Variants in PRPSAP2 observed in about 807,000 individuals in gnomAD.
PRPSAP2 encodes the protein phosphoribosyl pyrophosphate synthase-associated protein 2.
In PRPSAP2, 24 loss-of-function variants were observed where a neutral mutation model predicts 40.6. That is an observed-to-expected ratio of 0.59 (90% CI 0.43 to 0.83). The LOEUF is 0.83. PRPSAP2 is among the 40% of genes least tolerant of loss of function. The pLI, the probability that PRPSAP2 is intolerant of heterozygous loss-of-function variation, is 0.00. For missense variants in PRPSAP2, 292 were observed against 465.6 expected, an observed-to-expected ratio of 0.63 and a Z score of 3.43; for synonymous variants, 149 against 164.7, an observed-to-expected ratio of 0.90 and a Z score of 0.73.
chr17:18,859,714 G>A (rs1359040017), intron 1 of PRPSAP2: 1 of 152,084 alleles, frequency 6.6e-6, no homozygotes, highest in African/African-American at 2.4e-5. Flanking sequence ...CTTGGAGTGA[G>A]GCACATCACT....
intron 4 of PRPSAP2, among the ~76,000 whole-genome samples, chr17:18,867,961 C>T (rs964087804): frequency 1.3e-5 from 2 of 151,652 alleles, no homozygotes; most frequent in African/African-American, 4.8e-5. Context: ...CACGGCAAAA[C>T]CCTGTCTCTA....
chr17:18,872,452 G>T, intron 4 of PRPSAP2, 131 bp from the exon 5 acceptor site: 1 of 676,782 alleles, frequency 1.5e-6, no homozygotes. Context: ...AACATCTAAA[G>T]CCTACTGAGT....
At chr17:18,886,736 C>A (rs2039177646) in intron 7 of PRPSAP2, among the ~76,000 whole-genome samples, 1 of 151,978 alleles carries the variant, frequency 6.6e-6, no homozygotes. Flanking sequence ...GTCAGGCAGT[C>A]CTTTTCACAG....
chr17:18,884,578 G>A (rs929206225), intron 7 of PRPSAP2, among the ~76,000 whole-genome samples: 11 of 152,108 alleles, frequency 7.2e-5, no homozygotes, highest in African/African-American at 2.2e-4. Context: ...GGCCTCAAGC[G>A]ATCCTCCTGC....
At chr17:18,861,097 A>G (rs2036972967) in intron 1 of PRPSAP2, among the ~76,000 whole-genome samples, 1 of 152,232 alleles carries the variant, frequency 6.6e-6, no homozygotes, top group African/African-American at 2.4e-5. Context: ...GATAGTCTTT[A>G]TAACTCTTTT....
intron 1 of PRPSAP2, among the ~76,000 whole-genome samples, chr17:18,862,130 C>T (rs567159825): frequency 8.5e-5 from 13 of 152,262 alleles, no homozygotes; most frequent in South Asian, 2.1e-4. Context: ...TCAGGTAATC[C>T]GCCTGCCTCG....
intron 1 of PRPSAP2, chr17:18,858,548 A>T (rs965423733): frequency 6.6e-6 from 1 of 152,298 alleles, no homozygotes; most frequent in Non-Finnish European, 1.5e-5. Context: ...TCGAACCCTG[A>T]TGATGGGACC....
chr17:18,901,443 G>A (rs973244994), intron 8 of PRPSAP2, among the ~76,000 whole-genome samples: 50 of 150,262 alleles, frequency 3.3e-4, no homozygotes, highest in Admixed American at 3.0e-3. Context: ...GCAGTGGCAC[G>A]ATCTTGGCTC....
At chr17:18,892,688 A>AGTGTGTGTGTGTGTGTGT (rs3043879) in intron 8 of PRPSAP2, among the ~76,000 whole-genome samples, 6 of 75,382 alleles carry the variant, frequency 8.0e-5, no homozygotes, top group Admixed American at 2.8e-4. Flanking sequence ...CAGCCTGTTG[A>AGTGTGTGTGTGTGTGTGT]GTGTGTGTGT....
intron 1 of PRPSAP2, among the ~76,000 whole-genome samples, chr17:18,861,187 G>A (rs1448230725): frequency 2.0e-5 from 3 of 152,072 alleles, no homozygotes; most frequent in Non-Finnish European, 4.4e-5. Flanking sequence ...CATTATGGCC[G>A]GGCGCAGTGG....
chr17:18,912,325 C>T (rs185995476), intron 9 of PRPSAP2, among the ~76,000 whole-genome samples: 2 of 152,098 alleles, frequency 1.3e-5, no homozygotes, highest in African/African-American at 2.4e-5. Context: ...GGGCACTGAC[C>T]CCCTTCGTAG....
chr17:18,882,543 G>T, intron 6 of PRPSAP2, 25 bp from the exon 7 acceptor site: 4 of 1,373,948 alleles, frequency 2.9e-6, no homozygotes, highest in Admixed American at 3.9e-5. Flanking sequence ...ACTATTTATT[G>T]CTTGTGTCTG....
chr17:18,892,956 G>C (rs950650978), intron 8 of PRPSAP2, among the ~76,000 whole-genome samples: 2 of 151,616 alleles, frequency 1.3e-5, no homozygotes, highest in African/African-American at 2.4e-5. Flanking sequence ...AGAAATGCCT[G>C]TTCACACCCT....
chr17:18,870,767 C>A (rs922215415), intron 4 of PRPSAP2, among the ~76,000 whole-genome samples: 4 of 150,842 alleles, frequency 2.7e-5, no homozygotes, highest in Non-Finnish European at 5.9e-5. Context: ...TGGGATCACG[C>A]CGCTGCACTC....
intron 8 of PRPSAP2, among the ~76,000 whole-genome samples, chr17:18,897,620 C>T (rs1311931360): frequency 1.3e-5 from 2 of 152,102 alleles, no homozygotes; most frequent in African/African-American, 2.4e-5. Flanking sequence ...CATCTTCACA[C>T]CCAGCTAATT....
At chr17:18,861,055 A>G (rs1394669855) in intron 1 of PRPSAP2, among the ~76,000 whole-genome samples, 1 of 152,222 alleles carries the variant, frequency 6.6e-6, no homozygotes, top group East Asian at 1.9e-4. Flanking sequence ...GCCTCCTGCC[A>G]GCCCCATCTC....
At chr17:18,903,334 C>T (rs1052186720) in intron 8 of PRPSAP2, among the ~76,000 whole-genome samples, 17 of 151,384 alleles carry the variant, frequency 1.1e-4, no homozygotes, top group Non-Finnish European at 1.8e-4. Context: ...AATGAATGAA[C>T]GTGTGTTTTA....
chr17:18,868,133 T>A (rs948079985), intron 4 of PRPSAP2, among the ~76,000 whole-genome samples: 2 of 149,376 alleles, frequency 1.3e-5, no homozygotes, highest in Admixed American at 1.3e-4. Flanking sequence ...AATAAATAAA[T>A]AAATAGAAAG....
intron 9 of PRPSAP2, among the ~76,000 whole-genome samples, chr17:18,916,723 G>T (rs944407585): frequency 2.0e-5 from 3 of 152,172 alleles, no homozygotes; most frequent in Non-Finnish European, 4.4e-5. Flanking sequence ...ATTGCTCACA[G>T]TTCTGGAGAC....
Sources: gnomAD v4.1 joint callset for allele counts (sites outside exome capture counted in the v4.1 genomes callset) on GRCh38, gnomAD v4.1.1 for gene constraint, MANE v1.5 for transcripts, NCBI Gene and HGNC (gene_info 2026-07-23, HGNC 2026-07-21) for gene names.